The following ACSL3 variants were observed in gnomAD, a reference collection of about 807,000 sequenced individuals.
ACSL3 encodes the protein fatty acid CoA ligase Acsl3.
Under a neutral mutation model 84.7 loss-of-function variants are expected in ACSL3, and 34 were observed. The ratio of observed to expected loss-of-function variants is 0.40; its 90% CI spans 0.31 to 0.53. ACSL3 has a LOEUF of 0.53. Among genes scored for constraint, ACSL3 ranks in the 20% least tolerant of loss-of-function variants. The probability of loss-of-function intolerance (pLI) is 0.48; values close to 1 mark genes in which losing one functional copy is unlikely to be tolerated. For synonymous variants in ACSL3, 315 were observed against 299.4 expected (o/e 1.05, Z -0.54); for missense variants, 680 against 873.1 (o/e 0.78, Z 2.79).
chr2:222,924,052 T>G (rs1473273294), intron 10 of ACSL3, among the ~76,000 whole-genome samples: 5 of 152,206 alleles, frequency 3.3e-5, no homozygotes, highest in African/African-American at 1.2e-4. Context: ...CTGTATATTT[T>G]TATAAGATAA....
intron 2 of ACSL3, among the ~76,000 whole-genome samples, chr2:222,892,862 A>G (rs951480592): frequency 2.6e-5 from 4 of 152,126 alleles, no homozygotes; most frequent in Non-Finnish European, 4.4e-5. Flanking sequence ...AGTTCCCTTC[A>G]CTGTGCTTGT....
chr2:222,884,233 C>T (rs571223139), intron 1 of ACSL3, among the ~76,000 whole-genome samples: 23 of 152,228 alleles, frequency 1.5e-4, no homozygotes, highest in African/African-American at 5.1e-4. Flanking sequence ...GAAACAGATC[C>T]GAGTATGTCA....
chr2:222,885,846 G>T (rs1459144906), intron 1 of ACSL3, among the ~76,000 whole-genome samples: 1 of 151,972 alleles, frequency 6.6e-6, no homozygotes, highest in Non-Finnish European at 1.5e-5. Flanking sequence ...GGGTTCAAGT[G>T]ATTCTCCTGC....
intron 3 of ACSL3, among the ~76,000 whole-genome samples, chr2:222,907,680 G>A (rs1696327609): frequency 6.6e-6 from 1 of 151,218 alleles, no homozygotes; most frequent in Non-Finnish European, 1.5e-5. Context: ...AGAGAGAATC[G>A]CTTGAGTCCA....
chr2:222,912,118 A>G (rs1696458688), intron 4 of ACSL3, among the ~76,000 whole-genome samples: 1 of 152,268 alleles, frequency 6.6e-6, no homozygotes, highest in African/African-American at 2.4e-5. Context: ...TTGGGAAAGT[A>G]GAATTAATTT....
chr2:222,934,406 C>A, intron 15 of ACSL3, 124 bp from the exon 16 acceptor site: 1 of 708,340 alleles, frequency 1.4e-6, no homozygotes, highest in Non-Finnish European at 2.1e-6. Flanking sequence ...TATGCCAGTG[C>A]CAAGTATGGC....
chr2:222,931,282 C>T (rs1012684878), intron 14 of ACSL3, among the ~76,000 whole-genome samples: 5 of 151,784 alleles, frequency 3.3e-5, no homozygotes, highest in East Asian at 1.9e-4. Flanking sequence ...GTGTCTTTGT[C>T]GGGCACCTGT....
intron 3 of ACSL3, among the ~76,000 whole-genome samples, chr2:222,902,244 C>T (rs1243708787): frequency 6.6e-6 from 1 of 152,026 alleles, no homozygotes; most frequent in African/African-American, 2.4e-5. Flanking sequence ...GTGCTATTAG[C>T]TATATTAATT....
chr2:222,936,831 T>TA (rs1697183550), intron 16 of ACSL3, among the ~76,000 whole-genome samples: 1 of 151,858 alleles, frequency 6.6e-6, no homozygotes, highest in Non-Finnish European at 1.5e-5. Flanking sequence ...AGGGACATCT[T>TA]ACATGGCGGC....
At chr2:222,890,232 T>C (rs1272931316) in intron 2 of ACSL3, among the ~76,000 whole-genome samples, 2 of 152,162 alleles carry the variant, frequency 1.3e-5, no homozygotes, top group African/African-American at 4.8e-5. Flanking sequence ...AGACTACAGA[T>C]AAGAAACTGG....
At chr2:222,863,110 ATTAG>A (rs1695054381) in intron 1 of ACSL3, among the ~76,000 whole-genome samples, 2 of 152,224 alleles carry the variant, frequency 1.3e-5, no homozygotes, top group African/African-American at 4.8e-5. Flanking sequence ...CAGGCACCTT[ATTAG>A]GTGCTGGGAA....
intron 9 of ACSL3, 90 bp downstream of exon 9, chr2:222,922,921 A>G (rs1696779032): frequency 1.3e-6 from 2 of 1,533,732 alleles, no homozygotes; most frequent in Non-Finnish European, 1.8e-6. Context: ...ATATTGCGAG[A>G]GCGATGGTTC....
chr2:222,922,087 T>G (rs1696756808), intron 8 of ACSL3, among the ~76,000 whole-genome samples: 1 of 152,176 alleles, frequency 6.6e-6, no homozygotes, highest in Non-Finnish European at 1.5e-5. Flanking sequence ...CAGAAAAAAT[T>G]AAGTGCAACA....
chr2:222,916,662 A>G (rs1186029427), intron 5 of ACSL3, 166 bp downstream of exon 5: 11 of 688,308 alleles, frequency 1.6e-5, no homozygotes, highest in Non-Finnish European at 2.2e-5. Flanking sequence ...AAAATAAATC[A>G]ATTATATGAC....
chr2:222,895,291 A>T (rs946536124), intron 2 of ACSL3, among the ~76,000 whole-genome samples: 7 of 152,190 alleles, frequency 4.6e-5, no homozygotes, highest in African/African-American at 1.7e-4. Context: ...GCAAGCTCCT[A>T]TTCCTGCACA....
chr2:222,862,296 A>T (rs1429278284), intron 1 of ACSL3, among the ~76,000 whole-genome samples: 1 of 152,178 alleles, frequency 6.6e-6, no homozygotes, highest in Non-Finnish European at 1.5e-5. Context: ...CTTGCCTCAG[A>T]TCTCAGCTAG....
chr2:222,944,607 A>C lies in ACSL3; in HGVS notation c.*2953A>C, dbSNP rs1216684765. The stretch of plus-strand genomic sequence containing the variant: ...ATTTGACATAAAGTTTGAAGAATAA[A>C]GATCTATAAAAGTTGAAGTTTCTGA... On this transcript the variant is annotated 3_prime_UTR_variant, in exon 17 of 17. Transcript: ENST00000357430. The C allele has an allele frequency of 4.0e-5, 6 of 150,590 alleles. No individual in the cohort carries two copies. The highest frequency in any genetic ancestry group is 7.4e-5 in the Non-Finnish European group (5 of 67,846). The allele number at this position is 150,590 out of a possible 1,614,324, so 9.3% of individuals were successfully genotyped here. A position where few individuals can be genotyped will look rare whatever the true frequency, so the allele number is the denominator to read the frequency against.
intron 3 of ACSL3, among the ~76,000 whole-genome samples, chr2:222,903,859 A>G (rs1427214066): frequency 1.3e-5 from 2 of 152,206 alleles, no homozygotes; most frequent in South Asian, 2.1e-4. Context: ...GCAGGTCAAT[A>G]TGACTATTTT....
At chr2:222,878,540 C>A (rs912555224) in intron 1 of ACSL3, among the ~76,000 whole-genome samples, 2 of 152,156 alleles carry the variant, frequency 1.3e-5, no homozygotes, top group South Asian at 4.1e-4. Context: ...GTTCTTCTGG[C>A]ATCTGCCCTT....
Sources: gnomAD v4.1 joint callset for allele counts (sites outside exome capture counted in the v4.1 genomes callset) on GRCh38, gnomAD v4.1.1 for gene constraint, MANE v1.5 for transcripts, NCBI Gene and HGNC (gene_info 2026-07-23, HGNC 2026-07-21) for gene names.